Variants in TMEM156 observed in about 807,000 individuals in gnomAD.
TMEM156 encodes the protein transmembrane protein 156.
Under a neutral mutation model 30.5 loss-of-function variants are expected in TMEM156, and 28 were observed. The observed-to-expected ratio is 0.92, with a 90% CI of 0.68 to 1.26. The LOEUF is 1.26. Ranked by LOEUF, TMEM156 falls within the 50% of genes most tolerant of loss-of-function variation. The pLI is 0.00. For missense variants in TMEM156, 351 were observed against 340.6 expected, an observed-to-expected ratio of 1.03 and a Z score of -0.24; for synonymous variants, 137 against 119.9, an observed-to-expected ratio of 1.14 and a Z score of -0.93.
chr4:39,007,011 G>T (rs532477959), intron 1 of TMEM156, among the ~76,000 whole-genome samples: 1 of 152,130 alleles, frequency 6.6e-6, no homozygotes, highest in East Asian at 1.9e-4. Context: ...AACTAAATTT[G>T]TTTTTTCTTT....
intron 5 of TMEM156, among the ~76,000 whole-genome samples, chr4:38,985,400 G>A (rs1711907082): frequency 6.6e-6 from 1 of 152,042 alleles, no homozygotes. Flanking sequence ...AGCTCCTTAG[G>A]TGCACTCAAG....
chr4:38,971,983 T>G (rs1458360908), intron 5 of TMEM156, among the ~76,000 whole-genome samples: 3 of 151,960 alleles, frequency 2.0e-5, no homozygotes, highest in Non-Finnish European at 4.4e-5. Context: ...GAGACGGGGT[T>G]TCTCCATGTT....
In TMEM156 at chr4:39,032,279, G is replaced by A. The variant is rs774854003; in HGVS notation, c.35C>T (p.Ala12Val). The A allele has an allele frequency of 5.6e-6, 9 of 1,609,962 alleles. No homozygotes were observed. The highest frequency in any genetic ancestry group is 1.7e-5 in the Admixed American group (1 of 59,598). ...TKTALLKLFV[A>V]IVITFILILP... Reference sequence around the variant, plus strand: ...AATTAAAATGAATGTGATCACTATTGCCACAAATAATTTAAGGAGGGCTGT... The same window carrying A: ...AATTAAAATGAATGTGATCACTATTACCACAAATAATTTAAGGAGGGCTGT... Residue 12 changes from alanine to valine, a missense_variant, in exon 1 of 7, where the codon GCA (alanine) becomes GTA (valine). By Grantham distance (64) the Ala-to-Val change is moderately conservative (BLOSUM62 0). Coordinates refer to ENST00000381938, the MANE Select transcript of TMEM156 (RefSeq NM_024943.3).
At chr4:39,009,442 A>T (rs1241566874) in intron 1 of TMEM156, among the ~76,000 whole-genome samples, 2 of 152,084 alleles carry the variant, frequency 1.3e-5, no homozygotes, top group Non-Finnish European at 2.9e-5. Flanking sequence ...AAGACACAAC[A>T]AAAAAAGGAA....
chr4:38,995,742 T>A (rs1712879522), intron 2 of TMEM156, among the ~76,000 whole-genome samples: 1 of 152,100 alleles, frequency 6.6e-6, no homozygotes, highest in East Asian at 1.9e-4. Context: ...ATAAATAATT[T>A]CTTTTCCCTT....
intron 1 of TMEM156, among the ~76,000 whole-genome samples, chr4:39,000,570 T>C (rs6851985): frequency 0.27 from 41,645 of 152,042 alleles, 6,288 homozygotes; most frequent in East Asian, 0.46. Flanking sequence ...CTTTTGAAAT[T>C]TGTACAAATA....
chr4:38,990,131 C>G (rs1471743752), intron 3 of TMEM156, among the ~76,000 whole-genome samples: 1 of 152,206 alleles, frequency 6.6e-6, no homozygotes. Context: ...TGTGTACACT[C>G]TTCTTTGCAT....
chr4:39,013,696 G>A (rs547621143), intron 1 of TMEM156, among the ~76,000 whole-genome samples: 3 of 151,976 alleles, frequency 2.0e-5, no homozygotes, highest in East Asian at 1.9e-4. Context: ...CATCGCGCCC[G>A]GCCAATTGTT....
intron 2 of TMEM156, chr4:38,998,395 T>G (rs573996916): frequency 5.1e-6 from 1 of 197,416 alleles, no homozygotes; most frequent in Admixed American, 5.7e-5. Flanking sequence ...AAACAAAAAA[T>G]TAGCCGGGTG....
At chr4:38,972,704 C>T (rs1033806005) in intron 5 of TMEM156, among the ~76,000 whole-genome samples, 3 of 152,128 alleles carry the variant, frequency 2.0e-5, no homozygotes, top group East Asian at 3.8e-4. Flanking sequence ...CAACCTTTCA[C>T]GTGTGTAAGC....
intron 3 of TMEM156, among the ~76,000 whole-genome samples, chr4:38,991,207 TTTTTC>T (rs1394744797): frequency 2.0e-4 from 8 of 40,404 alleles, no homozygotes; most frequent in South Asian, 1.2e-3. Flanking sequence ...TTTAACTGTC[TTTTTC>T]TTTTCTTTTC....
At chr4:39,021,747 C>T (rs1052140604) in intron 1 of TMEM156, among the ~76,000 whole-genome samples, 1 of 152,124 alleles carries the variant, frequency 6.6e-6, no homozygotes, top group Non-Finnish European at 1.5e-5. Context: ...CCCTATGTTT[C>T]CTTCTAGTAG....
At chr4:39,004,690 T>G (rs1023032627) in intron 1 of TMEM156, among the ~76,000 whole-genome samples, 1 of 152,198 alleles carries the variant, frequency 6.6e-6, no homozygotes, top group African/African-American at 2.4e-5. Flanking sequence ...TATAATTTAT[T>G]TATTCATTCT....
chr4:38,978,412 C>G (rs960503257), intron 5 of TMEM156, among the ~76,000 whole-genome samples: 3 of 152,140 alleles, frequency 2.0e-5, no homozygotes, highest in African/African-American at 7.2e-5. Context: ...AGCTGGTATT[C>G]TGGGCACTGT....
chr4:39,018,773 C>A (rs1005318251), intron 1 of TMEM156, among the ~76,000 whole-genome samples: 2 of 152,264 alleles, frequency 1.3e-5, no homozygotes, highest in East Asian at 1.9e-4. Flanking sequence ...GTAATCCCAG[C>A]ACTTTGGGAG....
chr4:38,993,901 CA>C lies in TMEM156; in HGVS notation c.455del (p.Leu152TrpfsTer10). On this transcript the variant is annotated frameshift_variant, in exon 3 of 7. Coordinates refer to ENST00000381938, the MANE Select transcript of TMEM156 (RefSeq NM_024943.3). LOFTEE classifies it high-confidence loss of function. Reference sequence around the variant, plus strand: ...GATGACAGGTAGTGTTATATTCCTCCAAGTGGTCAACCAGAGGAGCTACACT... The same window carrying C: ...GATGACAGGTAGTGTTATATTCCTCCAGTGGTCAACCAGAGGAGCTACACT... ...NFSVAPLVDH[L>X]EEYNTTCHLK... 1 of 1,613,992 alleles carries C rather than the reference CA, an allele frequency of 6.2e-7. No homozygotes were observed. The highest frequency in any genetic ancestry group is 2.2e-5 in the East Asian group (1 of 44,854).
chr4:38,970,257 T>A (rs563909444), intron 6 of TMEM156, among the ~76,000 whole-genome samples: 1 of 152,222 alleles, frequency 6.6e-6, no homozygotes, highest in East Asian at 1.9e-4. Flanking sequence ...CCACTCTTCC[T>A]AGTCTCAGGG....
intron 1 of TMEM156, among the ~76,000 whole-genome samples, chr4:39,021,708 T>C (rs915149938): frequency 1.3e-5 from 2 of 152,226 alleles, no homozygotes; most frequent in Non-Finnish European, 2.9e-5. Flanking sequence ...AAAAAAATAA[T>C]TGCCTAGAAC....
intron 1 of TMEM156, among the ~76,000 whole-genome samples, chr4:39,013,733 A>G (rs1165074893): frequency 2.6e-5 from 4 of 152,170 alleles, no homozygotes; most frequent in South Asian, 4.1e-4. Flanking sequence ...AAAAGTGTGT[A>G]TTTAAAAAAG....
Sources: allele counts gnomAD v4.1 joint callset (sites outside exome capture counted in the v4.1 genomes callset), GRCh38; gene constraint gnomAD v4.1.1; transcripts MANE v1.5; gene names NCBI Gene and HGNC (gene_info 2026-07-23, HGNC 2026-07-21).